The following FOXK2 variants were observed in gnomAD, a reference collection of about 807,000 sequenced individuals.
FOXK2 encodes forkhead box K2, also known as forkhead box protein K2.
A neutral mutation model predicts 53.3 loss-of-function variants in FOXK2; 24 were observed. The observed-to-expected ratio is 0.45, with a 90% CI of 0.33 to 0.63. FOXK2 has a LOEUF of 0.63. FOXK2 is among the 30% of genes least tolerant of loss of function. The probability of loss-of-function intolerance (pLI) is 0.03; values close to 1 mark genes in which losing one functional copy is unlikely to be tolerated. For synonymous variants in FOXK2, 505 were observed against 407.1 expected (o/e 1.24, Z -2.89); for missense variants, 952 against 910.5 (o/e 1.05, Z -0.59).
In FOXK2 at chr17:82,563,750, C is replaced by CTTTTTTTTT. The variant is rs1567975420; in HGVS notation, c.614+202_614+203insTTTTTTTTT. ...GTTCCTGGTTTTTATTTACTCATTC[C>CTTTTTTTTT]CTTTTTTTTTTTTTTTTTTGAGAAG... On this transcript the variant is annotated intron_variant, in intron 2 of 8. Coordinates refer to ENST00000335255, the MANE Select transcript of FOXK2 (RefSeq NM_004514.4). Among the ~76,000 whole-genome samples, 2 of 94,616 alleles carry CTTTTTTTTT rather than the reference C, an allele frequency of 2.1e-5. 1 individual carries two copies. Among genetic ancestry groups the CTTTTTTTTT allele is most frequent in the Non-Finnish European group, 4.3e-5 (2 of 46,242 alleles). The allele number at this position is 94,616 out of a possible 152,430, so 62.1% of individuals were successfully genotyped here.
At chr17:82,575,974 G>A (rs1484243158) in intron 4 of FOXK2, among the ~76,000 whole-genome samples, 1 of 129,412 alleles carries the variant, frequency 7.7e-6, no homozygotes, top group Non-Finnish European at 1.6e-5. Context: ...CTCGGGTGGC[G>A]GCGGCGGGTT....
chr17:82,552,061 A>C (rs2044682270), intron 1 of FOXK2, among the ~76,000 whole-genome samples: 1 of 152,142 alleles, frequency 6.6e-6, no homozygotes, highest in Non-Finnish European at 1.5e-5. Flanking sequence ...TTATTCAAAA[A>C]ATGAAGTGGC....
intron 7 of FOXK2, among the ~76,000 whole-genome samples, chr17:82,586,656 C>G (rs1042421249): frequency 4.6e-5 from 7 of 151,940 alleles, no homozygotes; most frequent in African/African-American, 1.2e-4. Flanking sequence ...AATCCCAGCA[C>G]TATGGGGGGC....
At chr17:82,557,703 C>T (rs2044746300) in intron 1 of FOXK2, among the ~76,000 whole-genome samples, 1 of 151,190 alleles carries the variant, frequency 6.6e-6, no homozygotes, top group Admixed American at 6.6e-5. Context: ...GGCTAGAGTG[C>T]AGTGGTATGA....
rs114784457 is a variant in FOXK2 at position 82,583,528 on chromosome 17, A to G, written c.1104-485A>G. Reference sequence around the variant, plus strand: ...GCGCCACTTCGTTCTAGCCTGGGCAAAACAGCGAAACTCCGTCTCAAAACA... The same window carrying G: ...GCGCCACTTCGTTCTAGCCTGGGCAGAACAGCGAAACTCCGTCTCAAAACA... On this transcript the variant is annotated intron_variant, in intron 5 of 8. Transcript: ENST00000335255. Among the ~76,000 whole-genome samples the G allele has an allele frequency of 3.6e-3, 553 of 152,398 alleles. 1 individual carries two copies. The highest frequency in any genetic ancestry group is 0.02 in the Middle Eastern group (6 of 294).
chr17:82,587,993 C>T (rs938075630), intron 8 of FOXK2, among the ~76,000 whole-genome samples: 2 of 152,142 alleles, frequency 1.3e-5, no homozygotes, highest in African/African-American at 4.8e-5. Flanking sequence ...GCCCACGACA[C>T]GCTTTCTTTG....
At chr17:82,554,794 G>T (rs1383623070) in intron 1 of FOXK2, among the ~76,000 whole-genome samples, 1 of 151,516 alleles carries the variant, frequency 6.6e-6, no homozygotes, top group Non-Finnish European at 1.5e-5. Context: ...GCCCAGGCTG[G>T]AGTGCAGTGG....
intron 4 of FOXK2, among the ~76,000 whole-genome samples, chr17:82,572,584 T>C (rs531975080): frequency 6.6e-6 from 1 of 152,170 alleles, no homozygotes; most frequent in South Asian, 2.1e-4. Context: ...GTATCTGTGT[T>C]GTGTTGGCTG....
intron 4 of FOXK2, among the ~76,000 whole-genome samples, chr17:82,574,239 A>G (rs2044955357): frequency 6.6e-6 from 1 of 151,900 alleles, no homozygotes; most frequent in African/African-American, 2.4e-5. Flanking sequence ...GTGTCATTTC[A>G]TGCCTCGTGG....
intron 1 of FOXK2, among the ~76,000 whole-genome samples, chr17:82,557,354 A>G (rs926545177): frequency 7.4e-5 from 11 of 149,062 alleles, no homozygotes; most frequent in African/African-American, 2.7e-4. Flanking sequence ...TTATATATAT[A>G]TATTTTTGAG....
intron 2 of FOXK2, among the ~76,000 whole-genome samples, chr17:82,567,469 G>A (rs1443309583): frequency 6.6e-6 from 1 of 151,980 alleles, no homozygotes; most frequent in Non-Finnish European, 1.5e-5. Context: ...CTGTGTCCCG[G>A]GCGCCCCCAG....
At position 82,585,944 on chromosome 17, in the gene FOXK2, G is replaced by A. The variant is rs772307029; in HGVS notation, c.1320G>A (p.Gln440=). Residue 440 remains glutamine, a synonymous_variant, in exon 7 of 9, where the codon CAG becomes CAA. Coordinates refer to ENST00000335255, the MANE Select transcript of FOXK2 (RefSeq NM_004514.4). ...GTCAGCCAGTCTTAATCACCGTCCAGCGGCAGCTACCACAGGCCATCAAGC... is the reference window on the plus strand; with the variant it reads ...GTCAGCCAGTCTTAATCACCGTCCAACGGCAGCTACCACAGGCCATCAAGC... ...LSSQPVLITV[Q]RQLPQAIKPV... 1 of 1,612,672 alleles carries A rather than the reference G, an allele frequency of 6.2e-7. No homozygotes were observed.
At chr17:82,566,696 G>A (rs778920747) in intron 2 of FOXK2, among the ~76,000 whole-genome samples, 2 of 152,144 alleles carry the variant, frequency 1.3e-5, no homozygotes, top group African/African-American at 2.4e-5. Flanking sequence ...CCTGAGGTTG[G>A]GTCGGCTCCC....
chr17:82,525,181 A>G (rs1408043294), intron 1 of FOXK2, among the ~76,000 whole-genome samples: 1 of 150,460 alleles, frequency 6.6e-6, no homozygotes, highest in African/African-American at 2.5e-5. Context: ...CTATTAATCT[A>G]TTTTTTGAGA....
At chr17:82,552,774 G>T (rs560134390) in intron 1 of FOXK2, among the ~76,000 whole-genome samples, 1 of 152,072 alleles carries the variant, frequency 6.6e-6, no homozygotes. Context: ...GGCTGAGGTG[G>T]TTGAAGAGCA....
intron 4 of FOXK2, among the ~76,000 whole-genome samples, chr17:82,575,086 T>C (rs1046694925): frequency 6.6e-6 from 1 of 152,242 alleles, no homozygotes; most frequent in Non-Finnish European, 1.5e-5. Context: ...ATTGAACTAC[T>C]ATGCTTTTTC....
chr17:82,550,713 G>C (rs1265068739), intron 1 of FOXK2, among the ~76,000 whole-genome samples: 1 of 151,918 alleles, frequency 6.6e-6, no homozygotes, highest in Non-Finnish European at 1.5e-5. Flanking sequence ...CACCATGTTA[G>C]CCAGGATGGT....
intron 1 of FOXK2, among the ~76,000 whole-genome samples, chr17:82,521,164 CT>C (rs1313155889): frequency 1.3e-5 from 2 of 151,300 alleles, no homozygotes; most frequent in African/African-American, 4.8e-5. Context: ...TCCACACAAA[CT>C]GGAATTTTTT....
chr17:82,559,471 C>T (rs769703921), intron 1 of FOXK2: 22 of 456,226 alleles, frequency 4.8e-5, no homozygotes, highest in South Asian at 9.3e-5. Context: ...GGTTTTAAGC[C>T]GTTAGGCTGG....
Sources: gnomAD v4.1 joint callset for allele counts (sites outside exome capture counted in the v4.1 genomes callset) on GRCh38, gnomAD v4.1.1 for gene constraint, MANE v1.5 for transcripts, NCBI Gene and HGNC (gene_info 2026-07-23, HGNC 2026-07-21) for gene names.